Variants in FBXW12 observed in about 807,000 individuals in gnomAD.
FBXW12 encodes the protein F-box and WD repeat domain containing 12.
FBXW12 carries 43 observed loss-of-function variants against 55.3 expected under a neutral mutation model. That is an observed-to-expected ratio of 0.78 (90% CI 0.61 to 1.00). The LOEUF (loss-of-function observed/expected upper bound fraction) is 1.00. Ranked by LOEUF, FBXW12 falls within the 50% of genes least tolerant of loss-of-function variation. The pLI is 0.00. For missense variants in FBXW12, 524 were observed against 560.5 expected, an observed-to-expected ratio of 0.93 and a Z score of 0.66; for synonymous variants, 184 against 203.8, an observed-to-expected ratio of 0.90 and a Z score of 0.83.
rs781360599 is a variant in FBXW12, at chr3:48,380,927, A to G, written c.985+15A>G. 2.5e-6 allele frequency: 4 copies of G among 1,606,270 alleles called. No homozygotes were observed. Among genetic ancestry groups the G allele is most frequent in the South Asian group, 1.1e-5 (1 of 90,914 alleles). ...AGTCATCCAAGGTAGGCTGTGCCACATTAGAAACGCTTGTTTCTCTTCCTC... is the reference window on the plus strand; with the variant it reads ...AGTCATCCAAGGTAGGCTGTGCCACGTTAGAAACGCTTGTTTCTCTTCCTC... On this transcript the variant is annotated intron_variant, in intron 8 of 10. Coordinates refer to ENST00000296438, the MANE Select transcript of FBXW12 (RefSeq NM_207102.2).
intron 10 of FBXW12, among the ~76,000 whole-genome samples, chr3:48,384,300 A>G (rs147135858): frequency 6.6e-6 from 1 of 152,280 alleles, no homozygotes; most frequent in Non-Finnish European, 1.5e-5. Flanking sequence ...TTTTGGTGCT[A>G]TTATAAAGAG....
At chr3:48,381,501 G>A (rs1187825386) in intron 8 of FBXW12, among the ~76,000 whole-genome samples, 199 bp from the exon 9 acceptor site, 1 of 152,096 alleles carries the variant, frequency 6.6e-6, no homozygotes, top group East Asian at 1.9e-4. Context: ...CTGTTCCTGT[G>A]TCCTAGCACC....
chr3:48,384,312 A>G (rs1306166328), intron 10 of FBXW12, among the ~76,000 whole-genome samples: 1 of 152,194 alleles, frequency 6.6e-6, no homozygotes, highest in Non-Finnish European at 1.5e-5. Context: ...TATAAAGAGT[A>G]CTGTCTTATT....
intron 10 of FBXW12, among the ~76,000 whole-genome samples, chr3:48,387,537 A>AT (rs2036864415): frequency 1.7e-5 from 2 of 118,620 alleles, no homozygotes; most frequent in African/African-American, 3.4e-5. Context: ...TTATTTTGCT[A>AT]TTTTTTCTAG....
At position 48,394,606 on chromosome 3, in the gene FBXW12, G is replaced by A. The variant is rs764017236; in HGVS notation, c.1342G>A (p.Val448Met). 1.2e-6 allele frequency: 2 copies of A among 1,608,656 alleles called. No individual in the cohort carries two copies. Among genetic ancestry groups the A allele is most frequent in the Non-Finnish European group, 1.7e-6 (2 of 1,177,612 alleles). ...TGATAATGCAAGCATAGTACTTAGG[G>A]TGAGGAAAGTAAGTGACTCCAGCAT... ...MCDNASIVLR[V>M]RKVSDSSILV... The change falls in exon 11 of 11, where the codon GTG (valine) becomes ATG (methionine). Residue 448 changes from valine to methionine, a missense_variant. Physicochemically the swap from Val to Met is conservative, Grantham distance 21. Coordinates refer to ENST00000296438, the MANE Select transcript of FBXW12 (RefSeq NM_207102.2).
Position 48,375,474 on chromosome 3 carries a change from TGA to T in FBXW12, c.405+4_405+5del. On this transcript the variant is annotated splice_donor_region_variant and intron_variant, in intron 5 of 10. Transcript: ENST00000296438. ...CTTTGTGCCTGGGATGTGCAAGAGGTGAGTCTGGCCAATATGTGGCAAAAGTA... is the reference window on the plus strand; with the variant it reads ...CTTTGTGCCTGGGATGTGCAAGAGGTGTCTGGCCAATATGTGGCAAAAGTA... The T allele has an allele frequency of 6.4e-7, 1 of 1,565,212 alleles. No homozygotes were observed. The highest frequency in any genetic ancestry group is 8.7e-7 in the Non-Finnish European group (1 of 1,143,018).
intron 7 of FBXW12, chr3:48,379,767 C>T: frequency 3.8e-6 from 2 of 527,072 alleles, no homozygotes; most frequent in East Asian, 3.2e-5. Context: ...AACAAAAACT[C>T]GTTCATGAAG....
At chr3:48,375,974 C>CT (rs34834484) in intron 5 of FBXW12, among the ~76,000 whole-genome samples, 10,334 of 40,720 alleles carry the variant, frequency 0.25, 3,817 homozygotes, top group Non-Finnish European at 0.29. Context: ...TGCGCCCGGC[C>CT]TTTTTTTTTT....
chr3:48,384,058 T>C (rs2036813093), intron 10 of FBXW12, among the ~76,000 whole-genome samples: 1 of 152,202 alleles, frequency 6.6e-6, no homozygotes, highest in African/African-American at 2.4e-5. Flanking sequence ...TCCAAGTGAA[T>C]TTTAGAATTG....
At chr3:48,373,504 AACTG>A in intron 3 of FBXW12, 40 bp from the exon 4 acceptor site, 1 of 1,605,780 alleles carries the variant, frequency 6.2e-7, no homozygotes, top group African/African-American at 1.3e-5. Flanking sequence ...TGAGGAGGTG[AACTG>A]ACTGAGAACA....
chr3:48,391,758 G>A (rs1473511352), intron 10 of FBXW12, among the ~76,000 whole-genome samples: 1 of 151,996 alleles, frequency 6.6e-6, no homozygotes, highest in Admixed American at 6.6e-5. Context: ...ATGGTTTTTT[G>A]TTTTTAATTC....
rs1260594793 is a variant in FBXW12, at chr3:48,378,248, T to C, written c.406-69T>C. The C allele has an allele frequency of 1.3e-5, 15 of 1,197,172 alleles. No individual in the cohort carries two copies. In the Admixed American group the frequency reaches 2.4e-4, roughly 20 times the overall value. The allele number at this position is 1,197,172 out of a possible 1,614,324, so 74.2% of individuals were successfully genotyped here. On this transcript the variant is annotated intron_variant, in intron 5 of 10. Coordinates refer to ENST00000296438, the MANE Select transcript of FBXW12 (RefSeq NM_207102.2). ...TTTGGAAGAGGCTTCCAAATAAACA[T>C]GGGCAGAATGAAAGCACAGTAGGTG...
At chr3:48,385,404 C>G (rs1226917795) in intron 10 of FBXW12, among the ~76,000 whole-genome samples, 1 of 151,178 alleles carries the variant, frequency 6.6e-6, no homozygotes, top group Non-Finnish European at 1.5e-5. Flanking sequence ...TTTTCTTTAT[C>G]CATTCATCCA....
intron 10 of FBXW12, among the ~76,000 whole-genome samples, chr3:48,385,018 A>G (rs1180226441): frequency 6.6e-6 from 1 of 152,174 alleles, no homozygotes; most frequent in African/African-American, 2.4e-5. Context: ...TAAATATGAT[A>G]CACTATTATG....
intron 5 of FBXW12, among the ~76,000 whole-genome samples, chr3:48,377,575 A>G (rs1202057933): frequency 6.6e-6 from 1 of 152,258 alleles, no homozygotes; most frequent in African/African-American, 2.4e-5. Context: ...CAAAAGAAAC[A>G]GAGTTAGCAA....
chr3:48,386,624 A>G (rs1432162893), intron 10 of FBXW12, among the ~76,000 whole-genome samples: 1 of 152,146 alleles, frequency 6.6e-6, no homozygotes, highest in Non-Finnish European at 1.5e-5. Context: ...TGAATATGGG[A>G]TAGCTTTCCA....
intron 2 of FBXW12, 28 bp downstream of exon 2, chr3:48,372,885 C>G (rs370055601): frequency 3.8e-5 from 61 of 1,599,506 alleles, no homozygotes; most frequent in Admixed American, 6.7e-5. Flanking sequence ...CCCACTGCCC[C>G]CCAAGCCCGC....
At chr3:48,391,973 T>C (rs1047286713) in intron 10 of FBXW12, among the ~76,000 whole-genome samples, 1 of 152,222 alleles carries the variant, frequency 6.6e-6, no homozygotes, top group East Asian at 1.9e-4. Context: ...GTACCATTTA[T>C]TGAAGAGACT....
chr3:48,390,231 T>G (rs1259054949), intron 10 of FBXW12, among the ~76,000 whole-genome samples: 1 of 152,088 alleles, frequency 6.6e-6, no homozygotes, highest in East Asian at 1.9e-4. Flanking sequence ...CCATATAAAT[T>G]TTAGAATAGT....
Sources: allele counts gnomAD v4.1 joint callset (sites outside exome capture counted in the v4.1 genomes callset), GRCh38; gene constraint gnomAD v4.1.1; transcripts MANE v1.5; gene names NCBI Gene and HGNC (gene_info 2026-07-23, HGNC 2026-07-21).